EXPH5: variants seen among roughly 807,000 people sequenced by gnomAD.
EXPH5 encodes the protein exophilin-5.
EXPH5 carries 42 observed loss-of-function variants against 41.1 expected under a neutral mutation model. The observed-to-expected ratio is 1.02, with a 90% CI of 0.80 to 1.32. The LOEUF is 1.32. EXPH5 is among the 40% of genes most tolerant of loss of function. EXPH5 has a pLI of 0.00. For synonymous variants in EXPH5, 798 were observed against 833.5 expected, an observed-to-expected ratio of 0.96 and a Z score of 0.73; for missense variants, 2,298 against 2,314.5, an observed-to-expected ratio of 0.99 and a Z score of 0.15.
chr11:108,512,091 C>T lies in EXPH5; in HGVS notation c.3416G>A (p.Arg1139Lys), dbSNP rs1178204982. Residue 1139 changes from arginine to lysine, a missense_variant, in exon 6 of 6, where the codon AGA (arginine) becomes AAA (lysine). Arg to Lys is a conservative substitution (Grantham distance 26, BLOSUM62 2). Transcript: ENST00000265843. The part of the protein sequence containing the change: ...EPHASTGREG[R>K]KKPLTSGMDA... ...CATGCCTGAGGTCAATGGCTTTTTT[C>T]TTCCTTCTCTTCCAGTTGAGGCATG... 6.2e-7 allele frequency: 1 copy of T among 1,612,504 alleles called. No individual in the cohort carries two copies. The highest frequency in any genetic ancestry group is 1.1e-5 in the South Asian group (1 of 90,764).
chr11:108,560,096 T>A (rs1335611880), intron 1 of EXPH5, among the ~76,000 whole-genome samples: 25 of 152,164 alleles, frequency 1.6e-4, no homozygotes, highest in Admixed American at 1.6e-3. Flanking sequence ...AGCTATTCAA[T>A]CTTTGTGTTA....
At position 108,510,351 on chromosome 11, in the gene EXPH5, A is replaced by T. The variant is rs777435529; in HGVS notation, c.5156T>A (p.Val1719Asp). 1 of 1,614,160 alleles carries T rather than the reference A, an allele frequency of 6.2e-7. No homozygotes were observed. Among genetic ancestry groups the T allele is most frequent in the Non-Finnish European group, 8.5e-7 (1 of 1,180,040 alleles). Residue 1719 changes from valine to aspartate, a missense_variant, in exon 6 of 6, where the codon GTC becomes GAC. Coordinates refer to ENST00000265843, the MANE Select transcript of EXPH5 (RefSeq NM_015065.3). ...SPSKHENSKDVTAAQNLVRES... is the reference protein window; with the variant it reads ...SPSKHENSKDDTAAQNLVRES... ...TCTTACTAAATTCTGAGCTGCTGTG[A>T]CGTCTTTAGAATTCTCATGCTTTGA...
At chr11:108,586,905 C>T (rs1057190925) in intron 1 of EXPH5, among the ~76,000 whole-genome samples, 6 of 151,862 alleles carry the variant, frequency 4.0e-5, no homozygotes, top group Admixed American at 2.0e-4. Flanking sequence ...AAGGAAACAT[C>T]CTGAGAAGGA....
In EXPH5 at chr11:108,520,458, A is replaced by G. The variant is rs1331716765; in HGVS notation, c.493-2085T>C. ...AAGGCACTCAAAAGTTTGATTGTAT[A>G]AATAATAAATGGCTTTAAAAAAACC... is the stretch of plus-strand genomic sequence containing the variant. On this transcript the variant is annotated intron_variant, in intron 4 of 5. Coordinates refer to ENST00000265843, the MANE Select transcript of EXPH5 (RefSeq NM_015065.3). Among the ~76,000 whole-genome samples the G allele has an allele frequency of 3.3e-5, 5 of 152,216 alleles. No individual in the cohort carries two copies. The South Asian group carries it at 1.0e-3, about 32-fold the overall frequency.
intron 2 of EXPH5, among the ~76,000 whole-genome samples, chr11:108,540,438 T>C (rs1479079347): frequency 1.3e-5 from 2 of 152,118 alleles, no homozygotes; most frequent in East Asian, 3.8e-4. Flanking sequence ...TCAGGGTATG[T>C]ATGGGGGTGA....
At position 108,511,168 on chromosome 11, in the gene EXPH5, A is replaced by C. The variant is rs1351776317; in HGVS notation, c.4339T>G (p.Cys1447Gly). ...NSQTRRSSWE[C>G]TGSGRAIPFT... ...GGAATGGCTCTACCACTCCCTGTAC[A>C]CTCCCAAGAACTTCTTCTAGTTTGG... The change falls in exon 6 of 6, where the codon TGT becomes GGT. Residue 1447 changes from cysteine (C) to glycine (G), a missense_variant. Transcript: ENST00000265843. 1 of 1,611,864 alleles carries C rather than the reference A, an allele frequency of 6.2e-7. No homozygotes were observed. Among genetic ancestry groups the C allele is most frequent in the South Asian group, 1.1e-5 (1 of 90,542 alleles).
At chr11:108,539,306 G>T in intron 2 of EXPH5, 120 bp from the exon 3 acceptor site, 1 of 692,432 alleles carries the variant, frequency 1.4e-6, no homozygotes, top group Non-Finnish European at 2.3e-6. Context: ...AACAGGGCAG[G>T]CAACCTCACA....
intron 3 of EXPH5, chr11:108,538,060 T>C (rs1410676615): frequency 1.0e-6 from 1 of 985,300 alleles, no homozygotes; most frequent in Non-Finnish European, 1.2e-6. Flanking sequence ...AAAAACAGCC[T>C]CGGGTGAAAG....
At chr11:108,538,287 C>T (rs958600154) in intron 3 of EXPH5, 2 of 982,862 alleles carry the variant, frequency 2.0e-6, no homozygotes, top group Admixed American at 6.2e-5. Context: ...GGGTGGGAAG[C>T]TTTGAAACCA....
At chr11:108,577,807 AT>A (rs976185193) in intron 1 of EXPH5, among the ~76,000 whole-genome samples, 2 of 151,916 alleles carry the variant, frequency 1.3e-5, no homozygotes, top group African/African-American at 4.8e-5. Context: ...GATGTTTAGC[AT>A]TTTTTCATAT....
rs2093655538 is a variant in EXPH5 at position 108,508,343 on chromosome 11, A to T, written c.*1194T>A. 2 of 152,162 alleles carry T rather than the reference A, an allele frequency of 1.3e-5. No homozygotes were observed. The allele number at this position is 152,162 out of a possible 1,614,324, so 9.4% of individuals were successfully genotyped here. On this transcript the variant is annotated 3_prime_UTR_variant, in exon 6 of 6. Coordinates refer to ENST00000265843, the MANE Select transcript of EXPH5 (RefSeq NM_015065.3). Reference sequence around the variant, plus strand: ...AAACCCCGTCTCTACTAAAATACAAAAATATTAGCTGGGCGTGGCAGCGTG... The same window carrying T: ...AAACCCCGTCTCTACTAAAATACAATAATATTAGCTGGGCGTGGCAGCGTG...
intron 5 of EXPH5, among the ~76,000 whole-genome samples, chr11:108,516,156 A>C (rs1302314318): frequency 1.3e-5 from 2 of 152,026 alleles, no homozygotes; most frequent in Non-Finnish European, 2.9e-5. Context: ...TTACTGTGAG[A>C]CGAGCTCATA....
At position 108,511,144 on chromosome 11, in the gene EXPH5, G is replaced by A. The variant is rs1192372527; in HGVS notation, c.4363C>T (p.Pro1455Ser). ...WECTGSGRAI[P>S]FTGSGKCPQK... Reference sequence around the variant, plus strand: ...GGACACTTGCCACTTCCAGTAAATGGAATGGCTCTACCACTCCCTGTACAC... The same window carrying A: ...GGACACTTGCCACTTCCAGTAAATGAAATGGCTCTACCACTCCCTGTACAC... Residue 1455 changes from proline to serine, a missense_variant, in exon 6 of 6, where the codon CCA becomes TCA. Coordinates refer to ENST00000265843, the MANE Select transcript of EXPH5 (RefSeq NM_015065.3). 1 of 1,613,640 alleles carries A rather than the reference G, an allele frequency of 6.2e-7. No homozygotes were observed. The highest frequency in any genetic ancestry group is 8.5e-7 in the Non-Finnish European group (1 of 1,179,798).
chr11:108,552,748 A>C (rs975454571), intron 1 of EXPH5, among the ~76,000 whole-genome samples: 3 of 152,142 alleles, frequency 2.0e-5, no homozygotes, highest in Non-Finnish European at 4.4e-5. Context: ...CCGTCTCTAC[A>C]AAAAACCCCA....
At chr11:108,602,438 T>C in the EXPH5 span, among the ~76,000 whole-genome samples, 1 of 152,106 alleles carries the variant, frequency 6.6e-6, no homozygotes, top group South Asian at 2.1e-4. Context: ...GAGGGGTGTA[T>C]CCAATGTAGA....
chr11:108,509,874 A>T lies in EXPH5; in HGVS notation c.5633T>A (p.Ile1878Lys), dbSNP rs2093665175. The T allele has an allele frequency of 6.2e-7, 1 of 1,609,738 alleles. No individual in the cohort carries two copies. Among genetic ancestry groups the T allele is most frequent in the Admixed American group, 1.7e-5 (1 of 59,042 alleles). Residue 1878 changes from isoleucine to lysine, a missense_variant, in exon 6 of 6, where the codon ATA becomes AAA. Transcript: ENST00000265843. ...ATAGTCGATAGGTCTGTATATAGATATTGCAGACCTGGGACCTGTTTTTGT... is the reference window on the plus strand; with the variant it reads ...ATAGTCGATAGGTCTGTATATAGATTTTGCAGACCTGGGACCTGTTTTTGT... ...SGTKTGPRSA[I>K]SIYRPIDYGI...
In EXPH5 at chr11:108,511,693, T is replaced by G. The variant is rs1236325643; in HGVS notation, c.3814A>C (p.Thr1272Pro). ...KKFCNLLQQY[T>P]QNTNLLIESP... Reference sequence around the variant, plus strand: ...TCTATAAGTAAATTAGTATTTTGTGTATACTGTTGAAGGAGGTTACAGAAT... The same window carrying G: ...TCTATAAGTAAATTAGTATTTTGTGGATACTGTTGAAGGAGGTTACAGAAT... Residue 1272 changes from threonine (T) to proline (P), a missense_variant, in exon 6 of 6, where the codon ACA becomes CCA. Physicochemically the swap from Thr to Pro is conservative, Grantham distance 38. Transcript: ENST00000265843. The G allele has an allele frequency of 1.9e-6, 3 of 1,606,456 alleles. No individual in the cohort carries two copies. Among genetic ancestry groups the G allele is most frequent in the Non-Finnish European group, 2.5e-6 (3 of 1,177,954 alleles).
At chr11:108,572,483 A>G (rs1308095838) in intron 1 of EXPH5, among the ~76,000 whole-genome samples, 1 of 152,218 alleles carries the variant, frequency 6.6e-6, no homozygotes, top group Non-Finnish European at 1.5e-5. Flanking sequence ...GTGAGTGGAA[A>G]CATTAAATTC....
the EXPH5 span, among the ~76,000 whole-genome samples, chr11:108,604,911 G>T: frequency 1.3e-4 from 20 of 152,178 alleles, no homozygotes; most frequent in Admixed American, 1.3e-3. Context: ...ATTAATAAGG[G>T]TTTCAGTGGC....
Sources: allele counts gnomAD v4.1 joint callset (sites outside exome capture counted in the v4.1 genomes callset), GRCh38; gene constraint gnomAD v4.1.1; transcripts MANE v1.5; gene names NCBI Gene and HGNC (gene_info 2026-07-23, HGNC 2026-07-21).